The following PRMT8 variants were observed in gnomAD, a reference collection of about 807,000 sequenced individuals.
The protein encoded by PRMT8 is protein arginine methyltransferase 8.
In PRMT8, 7 loss-of-function variants were observed where a neutral mutation model predicts 47.1. The ratio of observed to expected loss-of-function variants is 0.15; its 90% CI spans 0.08 to 0.28. PRMT8 has a LOEUF of 0.28. Among genes scored for constraint, PRMT8 ranks in the 10% least tolerant of loss-of-function variants. PRMT8 has a pLI of 1.00. For synonymous variants in PRMT8, 188 were observed against 186.5 expected (o/e 1.01, Z -0.07); for missense variants, 237 against 505.4 (o/e 0.47, Z 5.09).
chr12:3,591,880 C>T (rs1867313533), intron 8 of PRMT8, among the ~76,000 whole-genome samples: 1 of 152,124 alleles, frequency 6.6e-6, no homozygotes. Flanking sequence ...TTAAAAACAG[C>T]AGCATGTTCA....
intron 1 of PRMT8, among the ~76,000 whole-genome samples, chr12:3,526,817 C>A (rs1865955530): frequency 6.6e-6 from 1 of 152,098 alleles, no homozygotes; most frequent in South Asian, 2.1e-4. Context: ...GGTTTCCTTT[C>A]ATCAGAATTA....
intron 2 of PRMT8, among the ~76,000 whole-genome samples, chr12:3,548,640 C>A (rs1305156359): frequency 6.6e-6 from 1 of 152,188 alleles, no homozygotes; most frequent in Non-Finnish European, 1.5e-5. Flanking sequence ...GGCATCAAAT[C>A]AGTTTACATC....
At chr12:3,497,290 A>G (rs1339107741) in intron 1 of PRMT8, among the ~76,000 whole-genome samples, 2 of 152,188 alleles carry the variant, frequency 1.3e-5, no homozygotes, top group Non-Finnish European at 2.9e-5. Flanking sequence ...CTGAAAGGTC[A>G]TTCTGTCCAT....
At chr12:3,419,663 T>G (rs1035455811) in intron 1 of PRMT8, among the ~76,000 whole-genome samples, 2 of 152,056 alleles carry the variant, frequency 1.3e-5, no homozygotes, top group Non-Finnish European at 2.9e-5. Context: ...AGCCTACTAA[T>G]TAGCCTCTTC....
At chr12:3,413,811 C>G (rs1864457221) in intron 1 of PRMT8, among the ~76,000 whole-genome samples, 1 of 152,040 alleles carries the variant, frequency 6.6e-6, no homozygotes, top group Non-Finnish European at 1.5e-5. Flanking sequence ...AGTATAACAA[C>G]TATTTACATA....
rs1487121178 is a variant in PRMT8, at chr12:3,474,858, C to T, written c.49-65748C>T. ...CATATCCCCAGCACCTAGCATGGGA[C>T]CTGACATATTAGGCTGTCAGTGAAC... On this transcript the variant is annotated intron_variant, in intron 1 of 9. Transcript: ENST00000452611. 2.6e-5 allele frequency among the ~76,000 whole-genome samples: 4 copies of T among 152,174 alleles called. 1 individual carries two copies. Among genetic ancestry groups the T allele is most frequent in the East Asian group, 3.9e-4 (2 of 5,194 alleles).
rs374648395 is a variant in PRMT8 at position 3,544,823 on chromosome 12, C to T, written c.261+4032C>T. On this transcript the variant is annotated intron_variant, in intron 2 of 9. Transcript: ENST00000382622. ...GGCAGGATGTCTCTCATGGCCTGAA[C>T]CCCCGTGAAATGCTTCACTTTGACC... is the stretch of plus-strand genomic sequence containing the variant. Among the ~76,000 whole-genome samples, 48 of 152,332 alleles carry T rather than the reference C, an allele frequency of 3.2e-4. No individual in the cohort carries two copies. In the South Asian group the frequency reaches 9.3e-3, roughly 30 times the overall value.
intron 3 of PRMT8, 157 bp from the exon 4 acceptor site, chr12:3,553,494 G>A (rs1591599182): frequency 9.1e-6 from 6 of 660,328 alleles, no homozygotes; most frequent in East Asian, 5.3e-5. Flanking sequence ...AGGTGGGGGG[G>A]CTGGGTTTCG....
chr12:3,512,999 C>G (rs1336407760), intron 1 of PRMT8, among the ~76,000 whole-genome samples: 2 of 152,152 alleles, frequency 1.3e-5, no homozygotes, highest in Non-Finnish European at 2.9e-5. Flanking sequence ...GGCTCTGTAA[C>G]TTGCTCATCA....
At chr12:3,433,446 A>C (rs766787366) in intron 1 of PRMT8, among the ~76,000 whole-genome samples, 2 of 152,130 alleles carry the variant, frequency 1.3e-5, no homozygotes, top group Admixed American at 6.5e-5. Flanking sequence ...AATCCTCGTA[A>C]CCACCCTGCA....
chr12:3,420,724 T>A (rs770348739), intron 1 of PRMT8, among the ~76,000 whole-genome samples: 3 of 152,346 alleles, frequency 2.0e-5, no homozygotes, highest in Middle Eastern at 3.4e-3. Context: ...TTCCATGCTT[T>A]CTAGTCATGT....
rs531196036 is a variant in PRMT8 at position 3,494,526 on chromosome 12, T to C, written c.75+2826T>C. Among the ~76,000 whole-genome samples the C allele has an allele frequency of 3.3e-5, 5 of 152,282 alleles. No individual in the cohort carries two copies. The South Asian group carries it at 1.0e-3, about 32-fold the overall frequency. ...CCTGCCCTTGCTATTTCTAACAAGA[T>C]GCCATGTGTGAATGGGAGTAGATGA... On this transcript the variant is annotated intron_variant, in intron 1 of 9. Coordinates refer to ENST00000382622, the MANE Select transcript of PRMT8 (RefSeq NM_019854.5).
Position 3,456,124 on chromosome 12 carries a change from G to A in PRMT8, c.48+74682G>A, listed in dbSNP as rs556075064. Among the ~76,000 whole-genome samples, 1 of 152,190 alleles carries A rather than the reference G, an allele frequency of 6.6e-6. No individual in the cohort carries two copies. The highest frequency in any genetic ancestry group is 1.5e-5 in the Non-Finnish European group (1 of 68,044). ...TATTTAGCCCAACTCCTGGCCATGA[G>A]CTAGGTGCTAAGAGTGCTTTTCTTC... On this transcript the variant is annotated intron_variant, in intron 1 of 9. Coordinates refer to the PRMT8 transcript ENST00000452611. The surrounding 1 kb of genome is among the most constrained non-coding windows in gnomAD (Gnocchi z 4.2).
At chr12:3,573,433 T>C (rs1462164192) in intron 6 of PRMT8, among the ~76,000 whole-genome samples, 3 of 152,252 alleles carry the variant, frequency 2.0e-5, no homozygotes, top group Non-Finnish European at 4.4e-5. Context: ...ATAGATACTT[T>C]AAAGTCTTGT....
At chr12:3,509,657 A>G (rs2137127926) in intron 1 of PRMT8, among the ~76,000 whole-genome samples, 1 of 152,346 alleles carries the variant, frequency 6.6e-6, no homozygotes, top group African/African-American at 2.4e-5. Flanking sequence ...GATGCTAGCA[A>G]TTAAATGAAT....
At chr12:3,522,901 C>T (rs1865901400) in intron 1 of PRMT8, among the ~76,000 whole-genome samples, 1 of 151,996 alleles carries the variant, frequency 6.6e-6, no homozygotes, top group African/African-American at 2.4e-5. Context: ...TAAGGAAAAC[C>T]TAAAAGGAAG....
chr12:3,454,158 T>C (rs1864949828), intron 1 of PRMT8, among the ~76,000 whole-genome samples: 3 of 152,192 alleles, frequency 2.0e-5, no homozygotes, highest in Admixed American at 2.0e-4. Context: ...GTCTCTTCAC[T>C]CTCCTGCAGC....
intron 3 of PRMT8, chr12:3,553,097 A>C: frequency 5.0e-6 from 1 of 199,308 alleles, no homozygotes; most frequent in Non-Finnish European, 1.0e-5. Flanking sequence ...TAAAAGGAAT[A>C]ATTTCTTTCA....
chr12:3,579,063 C>T (rs1460196799), intron 7 of PRMT8, among the ~76,000 whole-genome samples: 3 of 152,192 alleles, frequency 2.0e-5, no homozygotes, highest in African/African-American at 7.2e-5. Flanking sequence ...GAAGCCTCTT[C>T]CTCCTTGCCA....
Sources: allele counts gnomAD v4.1 joint callset (sites outside exome capture counted in the v4.1 genomes callset), GRCh38; gene constraint gnomAD v4.1.1; non-coding constraint Gnocchi (gnomAD v3.1); transcripts MANE v1.5; gene names NCBI Gene and HGNC (gene_info 2026-07-23, HGNC 2026-07-21).